HPF1: variants seen among roughly 807,000 people sequenced by gnomAD.
HPF1 encodes histone PARylation factor 1.
A neutral mutation model predicts 38.8 loss-of-function variants in HPF1; 35 were observed. The observed-to-expected ratio is 0.90, with a 90% CI of 0.69 to 1.19. The LOEUF is 1.19. HPF1 is among the 50% of genes most tolerant of loss of function. HPF1 has a pLI of 0.00. For synonymous variants in HPF1, 115 were observed against 139.2 expected (o/e 0.83, Z 1.22); for missense variants, 367 against 405.8 (o/e 0.90, Z 0.82).
intron 7 of HPF1, among the ~76,000 whole-genome samples, chr4:169,730,509 G>T (rs1733815459): frequency 6.6e-6 from 1 of 152,182 alleles, no homozygotes; most frequent in Non-Finnish European, 1.5e-5. Context: ...GTATAATATG[G>T]TTTATAGCAG....
chr4:169,752,561 G>A (rs1378276328), intron 2 of HPF1, among the ~76,000 whole-genome samples: 1 of 152,036 alleles, frequency 6.6e-6, no homozygotes, highest in African/African-American at 2.4e-5. Flanking sequence ...GGATATGTGT[G>A]TACTCTCTCT....
At chr4:169,754,994 G>A (rs1734168895) in intron 1 of HPF1, among the ~76,000 whole-genome samples, 1 of 151,812 alleles carries the variant, frequency 6.6e-6, no homozygotes, top group Non-Finnish European at 1.5e-5. Context: ...ATGTATACAT[G>A]TGCCATGTTG....
Position 169,757,852 on chromosome 4 carries a change from C to T in HPF1, c.26G>A (p.Arg9Lys), listed in dbSNP as rs1296976912. ...TACCTGCGGCCCCTCTCCGCCGGGC[C>T]TGCGCTTCCCGCCACCGCCGACCAT... is the stretch of plus-strand genomic sequence containing the variant. MVGGGGKRRPGGEGPQCEK... is the reference protein window; with the variant it reads MVGGGGKRKPGGEGPQCEK... Residue 9 changes from arginine to lysine, a missense_variant, in exon 1 of 8, where the codon AGG becomes AAG. Arg to Lys is a conservative substitution (Grantham distance 26, BLOSUM62 2). Transcript: ENST00000393381. The T allele has an allele frequency of 4.5e-6, 7 of 1,564,924 alleles. No individual in the cohort carries two copies. Among genetic ancestry groups the T allele is most frequent in the Non-Finnish European group, 6.0e-6 (7 of 1,162,658 alleles).
At chr4:169,738,886 A>G (rs758095315) in intron 5 of HPF1, among the ~76,000 whole-genome samples, 7 of 152,066 alleles carry the variant, frequency 4.6e-5, no homozygotes, top group Non-Finnish European at 8.8e-5. Flanking sequence ...AACTACCACA[A>G]GGACAAAAAA....
At chr4:169,740,744 TC>T (rs1208606928) in intron 5 of HPF1, among the ~76,000 whole-genome samples, 3 of 152,034 alleles carry the variant, frequency 2.0e-5, no homozygotes, top group Admixed American at 2.0e-4. Flanking sequence ...AGGGGAGGGG[TC>T]TAGGACAAAA....
chr4:169,732,133 C>G, intron 6 of HPF1: 1 of 273,886 alleles, frequency 3.7e-6, no homozygotes, highest in East Asian at 8.2e-5. Flanking sequence ...TAGTTACAGT[C>G]ACGATTTTTT....
intron 3 of HPF1, among the ~76,000 whole-genome samples, chr4:169,749,769 A>C (rs1734095931): frequency 6.6e-6 from 1 of 151,566 alleles, no homozygotes; most frequent in African/African-American, 2.4e-5. Context: ...AAAACATTAG[A>C]GATGAAAGGA....
intron 6 of HPF1, among the ~76,000 whole-genome samples, chr4:169,735,222 T>C (rs1363630510): frequency 6.6e-6 from 1 of 151,870 alleles, no homozygotes; most frequent in Non-Finnish European, 1.5e-5. Context: ...TTTGTGAACA[T>C]GGGAATAAGA....
At position 169,748,846 on chromosome 4, in the gene HPF1, T is replaced by G; in HGVS notation, c.399-4A>C. 2.9e-6 allele frequency: 4 copies of G among 1,384,612 alleles called. No individual in the cohort carries two copies. Among genetic ancestry groups the G allele is most frequent in the Non-Finnish European group, 4.0e-6 (4 of 1,008,384 alleles). The allele number at this position is 1,384,612 out of a possible 1,614,324, so 85.8% of individuals were successfully genotyped here. A position where few individuals can be genotyped will look rare whatever the true frequency, so the allele number is the denominator to read the frequency against. On this transcript the variant is annotated splice_region_variant and splice_polypyrimidine_tract_variant and intron_variant, in intron 3 of 7. Coordinates refer to ENST00000393381, the MANE Select transcript of HPF1 (RefSeq NM_017867.3). The stretch of plus-strand genomic sequence containing the variant: ...AGGAAATTCATCAGGAGAATCCCTG[T>G]GTAAGCAAAAGACATTAAAAATTTA...
intron 5 of HPF1, 94 bp downstream of exon 5, chr4:169,741,863 T>G: frequency 9.9e-7 from 1 of 1,011,432 alleles, no homozygotes; most frequent in Non-Finnish European, 1.5e-6. Flanking sequence ...AAGATAGGAC[T>G]AGGGAAGAGA....
In HPF1 at chr4:169,729,532, A is replaced by C. The variant is rs762358726; in HGVS notation, c.*46T>G. On this transcript the variant is annotated 3_prime_UTR_variant, in exon 8 of 8. Transcript: ENST00000393381. ...AAAACAAAACAAAAATCACAAGTTT[A>C]ATACTAGTCCTTTGAAATACTGTAC... is the stretch of plus-strand genomic sequence containing the variant. 1 of 1,354,656 alleles carries C rather than the reference A, an allele frequency of 7.4e-7. No individual in the cohort carries two copies. The highest frequency in any genetic ancestry group is 9.6e-7 in the Non-Finnish European group (1 of 1,037,444). The allele number at this position is 1,354,656 out of a possible 1,614,324, so 83.9% of individuals were successfully genotyped here. A position where few individuals can be genotyped will look rare whatever the true frequency, so the allele number is the denominator to read the frequency against.
intron 6 of HPF1, among the ~76,000 whole-genome samples, chr4:169,732,330 G>A (rs1436460815): frequency 4.0e-5 from 6 of 151,856 alleles, no homozygotes; most frequent in African/African-American, 1.2e-4. Flanking sequence ...TAGTAGAGAC[G>A]GGATTTCACC....
At chr4:169,742,563 C>A (rs745326661) in intron 4 of HPF1, among the ~76,000 whole-genome samples, 2 of 152,174 alleles carry the variant, frequency 1.3e-5, no homozygotes, top group East Asian at 1.9e-4. Flanking sequence ...GAGGCCAAGG[C>A]GGGCGGATCA....
intron 5 of HPF1, among the ~76,000 whole-genome samples, chr4:169,741,413 A>G (rs1733967615): frequency 6.6e-6 from 1 of 152,162 alleles, no homozygotes; most frequent in African/African-American, 2.4e-5. Flanking sequence ...CAAACCAGAA[A>G]TCTTCCAGCT....
At chr4:169,747,220 A>C (rs1350516644) in intron 4 of HPF1, among the ~76,000 whole-genome samples, 4 of 151,676 alleles carry the variant, frequency 2.6e-5, no homozygotes, top group Non-Finnish European at 5.9e-5. Flanking sequence ...GAAAACAACA[A>C]GAGTTTCTAA....
chr4:169,746,949 G>A, intron 4 of HPF1, among the ~76,000 whole-genome samples: 1 of 137,044 alleles, frequency 7.3e-6, no homozygotes. Context: ...TACCAGAAGA[G>A]TCTTGGGTTA....
chr4:169,731,851 T>G lies in HPF1; in HGVS notation c.762A>C (p.Thr254=). 6.2e-7 allele frequency: 1 copy of G among 1,613,502 alleles called. No individual in the cohort carries two copies. The highest frequency in any genetic ancestry group is 8.5e-7 in the Non-Finnish European group (1 of 1,179,532). Residue 254 remains threonine (T), a synonymous_variant, in exon 7 of 8, where the codon ACA becomes ACC. Transcript: ENST00000393381. ...TDADLKRICK[T]IVEAASDEER... is the part of the protein sequence containing the mutation. Reference sequence around the variant, plus strand: ...CCTCATCACTTGCAGCCTCAACTATTGTCTTGCAAATTCTCTTGAGGTCAG... The same window carrying G: ...CCTCATCACTTGCAGCCTCAACTATGGTCTTGCAAATTCTCTTGAGGTCAG...
At chr4:169,748,957 CCT>C in intron 3 of HPF1, 115 bp from the exon 4 acceptor site, 1 of 551,456 alleles carries the variant, frequency 1.8e-6, no homozygotes. Context: ...TTTTTGGAGG[CCT>C]TTTTTTTTTT....
Position 169,757,825 on chromosome 4 carries a change from AG to A in HPF1, c.48+4del. 6.4e-7 allele frequency: 1 copy of A among 1,563,036 alleles called. No individual in the cohort carries two copies. On this transcript the variant is annotated splice_donor_region_variant and intron_variant, in intron 1 of 7. Transcript: ENST00000393381. ...GCGTAGCCCGCACAGCCTTTCCGGC[AG>A]TACCTGCGGCCCCTCTCCGCCGGGC...
Sources: allele counts gnomAD v4.1 joint callset (sites outside exome capture counted in the v4.1 genomes callset), GRCh38; gene constraint gnomAD v4.1.1; transcripts MANE v1.5; gene names NCBI Gene and HGNC (gene_info 2026-07-23, HGNC 2026-07-21).